Variants in VSNL1 observed in about 807,000 individuals in gnomAD.
The protein encoded by VSNL1 is visinin-like protein 1.
Under a neutral mutation model 20.4 loss-of-function variants are expected in VSNL1, and 6 were observed. That is an observed-to-expected ratio of 0.29 (90% confidence interval 0.16 to 0.58). VSNL1 has a LOEUF of 0.58. Ranked by LOEUF, VSNL1 falls within the 20% of genes least tolerant of loss-of-function variation. The probability of loss-of-function intolerance (pLI) is 0.90; values close to 1 mark genes in which losing one functional copy is unlikely to be tolerated. For missense variants in VSNL1, 100 were observed against 234.5 expected (o/e 0.43, Z 3.75); for synonymous variants, 93 against 86.4 (o/e 1.08, Z -0.42).
At chr2:17,620,140 C>T (rs1474036832) in intron 2 of VSNL1, among the ~76,000 whole-genome samples, 1 of 152,166 alleles carries the variant, frequency 6.6e-6, no homozygotes, top group East Asian at 1.9e-4. Flanking sequence ...TCCTGGAAGG[C>T]ACATTGGGAA....
At chr2:17,621,786 C>A (rs1252499782) in intron 2 of VSNL1, among the ~76,000 whole-genome samples, 1 of 152,122 alleles carries the variant, frequency 6.6e-6, no homozygotes, top group Non-Finnish European at 1.5e-5. Flanking sequence ...TGCCACCACA[C>A]TTGGCTAATT....
At chr2:17,579,595 G>A (rs1291755448) in intron 1 of VSNL1, among the ~76,000 whole-genome samples, 12 of 152,232 alleles carry the variant, frequency 7.9e-5, no homozygotes, top group Admixed American at 3.3e-4. Context: ...TTGTATAGAT[G>A]AGAAAACTGA....
At chr2:17,648,841 G>T (rs1380491548) in intron 2 of VSNL1, among the ~76,000 whole-genome samples, 1 of 152,158 alleles carries the variant, frequency 6.6e-6, no homozygotes, top group Admixed American at 6.5e-5. Flanking sequence ...TATTTTTAAT[G>T]AGTTTTAAAT....
chr2:17,612,220 G>T (rs903954289), intron 2 of VSNL1, among the ~76,000 whole-genome samples: 1 of 152,160 alleles, frequency 6.6e-6, no homozygotes, highest in Non-Finnish European at 1.5e-5. Context: ...GGAGGCTGAA[G>T]CCTCTCAACC....
chr2:17,601,923 G>A (rs62132135), intron 2 of VSNL1, among the ~76,000 whole-genome samples: 8,222 of 152,170 alleles, frequency 0.054, 258 homozygotes, highest in East Asian at 0.09. Context: ...ATGACAGAGC[G>A]AGACTCCACC....
chr2:17,648,850 A>C (rs1666059350), intron 2 of VSNL1, among the ~76,000 whole-genome samples: 1 of 152,218 alleles, frequency 6.6e-6, no homozygotes, highest in African/African-American at 2.4e-5. Flanking sequence ...TGAGTTTTAA[A>C]TGTCTGTTCT....
chr2:17,588,038 T>C (rs551171941), intron 1 of VSNL1, among the ~76,000 whole-genome samples: 15 of 152,316 alleles, frequency 9.8e-5, no homozygotes, highest in Admixed American at 5.2e-4. Context: ...ACCAGTCCTG[T>C]TTTGTGCCTA....
chr2:17,555,654 A>C (rs1468966962), intron 1 of VSNL1, among the ~76,000 whole-genome samples: 1 of 152,140 alleles, frequency 6.6e-6, no homozygotes, highest in East Asian at 1.9e-4. Flanking sequence ...TCACTCATTT[A>C]TGTTTTAGTT....
In VSNL1 at chr2:17,655,453, A is replaced by G; in HGVS notation, c.*59A>G. The G allele has an allele frequency of 8.9e-7, 1 of 1,124,602 alleles. No homozygotes were observed. The highest frequency in any genetic ancestry group is 1.3e-6 in the Non-Finnish European group (1 of 781,604). 69.7% of individuals were successfully genotyped at this position (1,124,602 alleles called of 1,614,324 possible). A position where few individuals can be genotyped will look rare whatever the true frequency, so the allele number is the denominator to read the frequency against. ...TCAATGTTCCATTCAGTCTGCAGCT[A>G]TTCACACACACACACACACACACAC... On this transcript the variant is annotated 3_prime_UTR_variant, in exon 4 of 4. Coordinates refer to ENST00000295156, the MANE Select transcript of VSNL1 (RefSeq NM_003385.5). This position sits in a 1 kb window ranked among gnomAD's most constrained non-coding sequence, Gnocchi z 5.2.
At chr2:17,607,223 G>A (rs1014640465) in intron 2 of VSNL1, among the ~76,000 whole-genome samples, 1 of 152,222 alleles carries the variant, frequency 6.6e-6, no homozygotes, top group Non-Finnish European at 1.5e-5. Flanking sequence ...ACTGTTGCTA[G>A]CGAGTTGATC....
intron 1 of VSNL1, among the ~76,000 whole-genome samples, chr2:17,587,941 T>G (rs980134123): frequency 6.6e-6 from 1 of 152,346 alleles, no homozygotes; most frequent in East Asian, 1.9e-4. Context: ...CCATCTTCTC[T>G]GGACATCATT....
intron 2 of VSNL1, among the ~76,000 whole-genome samples, chr2:17,629,478 G>A (rs571003595): frequency 3.3e-5 from 5 of 152,232 alleles, no homozygotes; most frequent in Non-Finnish European, 7.3e-5. Flanking sequence ...TCCAGAGAAA[G>A]ACAGTTTTGT....
At chr2:17,561,541 T>A (rs1663815169) in intron 1 of VSNL1, among the ~76,000 whole-genome samples, 1 of 152,220 alleles carries the variant, frequency 6.6e-6, no homozygotes, top group African/African-American at 2.4e-5. Context: ...TTAAGAGCAG[T>A]AAGAATCTAT....
At chr2:17,605,559 G>C (rs887082948) in intron 2 of VSNL1, among the ~76,000 whole-genome samples, 2 of 152,204 alleles carry the variant, frequency 1.3e-5, no homozygotes, top group African/African-American at 4.8e-5. Flanking sequence ...TTACACTGAT[G>C]CAAGAGAAAG....
At chr2:17,608,033 A>G (rs953218169) in intron 2 of VSNL1, among the ~76,000 whole-genome samples, 1 of 152,230 alleles carries the variant, frequency 6.6e-6, no homozygotes, top group Non-Finnish European at 1.5e-5. Flanking sequence ...ACTTCCTTAA[A>G]TACTATTTTC....
At position 17,601,860 on chromosome 2, in the gene VSNL1, C is replaced by T. The variant is rs549309668; in HGVS notation, c.162+9624C>T. On this transcript the variant is annotated intron_variant, in intron 2 of 3. Transcript: ENST00000295156. ...TGAGGGCACAAGAATTGCTTGAACC[C>T]GGGAGGCAGAGGTTGCAGTGAGCCG... Among the ~76,000 whole-genome samples the T allele has an allele frequency of 1.4e-4, 21 of 151,340 alleles. 1 individual carries two copies. In the South Asian group the frequency reaches 4.0e-3, roughly 29 times the overall value.
chr2:17,649,721 C>T lies in VSNL1; in HGVS notation c.378+96C>T. On this transcript the variant is annotated intron_variant, in intron 3 of 3. Coordinates refer to ENST00000295156, the MANE Select transcript of VSNL1 (RefSeq NM_003385.5). The surrounding 1 kb of genome is among the most constrained non-coding windows in gnomAD (Gnocchi z 6.4). ...GCCTTAGTGGCTTCTTCTCTCTCTG[C>T]TCGAGCCCTGCCAGCTGCACACCAC... 1.7e-6 allele frequency: 2 copies of T among 1,179,594 alleles called. No individual in the cohort carries two copies. Among genetic ancestry groups the T allele is most frequent in the Non-Finnish European group, 2.4e-6 (2 of 818,224 alleles). 73.1% of individuals were successfully genotyped at this position (1,179,594 alleles called of 1,614,324 possible). A position where few individuals can be genotyped will look rare whatever the true frequency, so the allele number is the denominator to read the frequency against.
Position 17,649,617 on chromosome 2 carries a change from A to T in VSNL1, c.370A>T (p.Ile124Phe). Reference protein sequence around the residue: ...GKITRVEMLEIIEAIYKMVGT... With the variant: ...GKITRVEMLEFIEAIYKMVGT... ...GATCACCCGAGTGGAGATGCTGGAG[A>T]TCATCGAGGTGAGGCCCGGGGTGTG... The change falls in exon 3 of 4, where the codon ATC becomes TTC. Residue 124 changes from isoleucine (I) to phenylalanine (F), a missense_variant. By Grantham distance (21) the Ile-to-Phe change is conservative. Transcript: ENST00000295156. This position sits in a 1 kb window ranked among gnomAD's most constrained non-coding sequence, Gnocchi z 6.4. 1 of 1,614,018 alleles carries T rather than the reference A, an allele frequency of 6.2e-7. No individual in the cohort carries two copies. Among genetic ancestry groups the T allele is most frequent in the South Asian group, 1.1e-5 (1 of 91,070 alleles).
chr2:17,605,835 A>G (rs1048637979), intron 2 of VSNL1, among the ~76,000 whole-genome samples: 1 of 152,204 alleles, frequency 6.6e-6, no homozygotes, highest in African/African-American at 2.4e-5. Context: ...CACATAAAAC[A>G]CCATAGAAAA....
Sources: gnomAD v4.1 joint callset for allele counts (sites outside exome capture counted in the v4.1 genomes callset) on GRCh38, gnomAD v4.1.1 for gene constraint, Gnocchi (gnomAD v3.1) non-coding constraint, MANE v1.5 for transcripts, NCBI Gene and HGNC (gene_info 2026-07-23, HGNC 2026-07-21) for gene names.